CHSY3: variants seen among roughly 807,000 people sequenced by gnomAD.
CHSY3 encodes the protein chondroitin sulfate synthase 3.
A neutral mutation model predicts 67.2 loss-of-function variants in CHSY3; 35 were observed. That is an observed-to-expected ratio of 0.52 (90% CI 0.40 to 0.69). The LOEUF (loss-of-function observed/expected upper bound fraction) is 0.69, where lower values mean the gene tolerates loss of function less well. Ranked by LOEUF, CHSY3 falls within the 30% of genes least tolerant of loss-of-function variation. CHSY3 has a pLI of 0.00. For missense variants in CHSY3, 1,069 were observed against 1,138.5 expected (o/e 0.94, Z 0.88); for synonymous variants, 474 against 434.7 (o/e 1.09, Z -1.12).
At chr5:130,042,554 A>G (rs1048047295) in intron 2 of CHSY3, among the ~76,000 whole-genome samples, 1 of 152,088 alleles carries the variant, frequency 6.6e-6, no homozygotes, top group Non-Finnish European at 1.5e-5. Context: ...CTATTTCAGT[A>G]TTTGTTTTTT....
At chr5:130,144,059 A>T (rs1174211862) in intron 2 of CHSY3, among the ~76,000 whole-genome samples, 1 of 150,940 alleles carries the variant, frequency 6.6e-6, no homozygotes, top group African/African-American at 2.4e-5. Flanking sequence ...GATTGTAATG[A>T]CTTGTGGGTG....
chr5:130,120,486 GAAAAAAAA>G (rs34727574), intron 2 of CHSY3, among the ~76,000 whole-genome samples: 1,332 of 95,850 alleles, frequency 0.014, 26 homozygotes, highest in African/African-American at 0.045. Context: ...ATTTCTGAAA[GAAAAAAAA>G]AAAAAAAAAA....
At chr5:129,959,131 T>G (rs1475011731) in intron 2 of CHSY3, among the ~76,000 whole-genome samples, 1 of 152,118 alleles carries the variant, frequency 6.6e-6, no homozygotes, top group Non-Finnish European at 1.5e-5. Context: ...ATAATTAACG[T>G]ATTTCGCATT....
intron 2 of CHSY3, among the ~76,000 whole-genome samples, chr5:130,036,167 T>A (rs1361907152): frequency 5.3e-5 from 8 of 152,182 alleles, no homozygotes; most frequent in South Asian, 2.1e-4. Context: ...TACACTGTCT[T>A]TCCTGGACAT....
intron 2 of CHSY3, among the ~76,000 whole-genome samples, chr5:129,991,909 T>C (rs544810034): frequency 6.6e-6 from 1 of 152,324 alleles, no homozygotes; most frequent in East Asian, 1.9e-4. Context: ...GAGAACTCTC[T>C]AGGTTGCTCC....
chr5:129,920,063 A>G (rs767638146), intron 2 of CHSY3, among the ~76,000 whole-genome samples: 2 of 152,110 alleles, frequency 1.3e-5, no homozygotes, highest in African/African-American at 2.4e-5. Flanking sequence ...AACTTTTTCT[A>G]TCTAATTGAG....
intron 2 of CHSY3, among the ~76,000 whole-genome samples, chr5:129,961,780 G>A (rs1762331414): frequency 6.6e-6 from 1 of 151,764 alleles, no homozygotes; most frequent in Non-Finnish European, 1.5e-5. Flanking sequence ...ACATAAACTT[G>A]TGCAACAGCT....
In CHSY3 at chr5:130,012,297, C is replaced by T. The variant is rs543389848; in HGVS notation, c.1086+103937C>T. ...ATAACCCACAAATAAAGCTGCACAC[C>T]TACAAGCATCAGATCTTATACAAAG... On this transcript the variant is annotated intron_variant, in intron 2 of 2. Transcript: ENST00000305031. 2.6e-4 allele frequency among the ~76,000 whole-genome samples: 39 copies of T among 152,236 alleles called. No individual in the cohort carries two copies. In the South Asian group the frequency reaches 5.0e-3, roughly 19 times the overall value.
In CHSY3 at chr5:130,086,897, T is replaced by A. The variant is rs1171092102; in HGVS notation, c.1087-97332T>A. Among the ~76,000 whole-genome samples, 4 of 152,098 alleles carry A rather than the reference T, an allele frequency of 2.6e-5. No individual in the cohort carries two copies. The East Asian group carries it at 5.8e-4, about 22-fold the overall frequency. ...CCAGCATCATCCTGATACCAAAGCC[T>A]GGCAGAGACACAACAAAAAAAGAGA... On this transcript the variant is annotated intron_variant, in intron 2 of 2. Coordinates refer to ENST00000305031, the MANE Select transcript of CHSY3 (RefSeq NM_175856.5).
chr5:130,106,519 C>T (rs1229275755), intron 2 of CHSY3, among the ~76,000 whole-genome samples: 1 of 151,512 alleles, frequency 6.6e-6, no homozygotes, highest in Non-Finnish European at 1.5e-5. Context: ...TGTAGGGATA[C>T]AGACAATAAA....
intron 2 of CHSY3, among the ~76,000 whole-genome samples, chr5:129,999,397 A>G (rs1435572475): frequency 6.6e-6 from 1 of 152,124 alleles, no homozygotes; most frequent in African/African-American, 2.4e-5. Flanking sequence ...AAAACTTTCC[A>G]TCATATACTA....
chr5:130,078,820 A>G (rs1181297771), intron 2 of CHSY3, among the ~76,000 whole-genome samples: 1 of 152,196 alleles, frequency 6.6e-6, no homozygotes, highest in Non-Finnish European at 1.5e-5. Flanking sequence ...GAAGACAGGC[A>G]GCTGTTGAGA....
At chr5:130,182,632 A>G (rs1770282230) in intron 2 of CHSY3, among the ~76,000 whole-genome samples, 2 of 152,102 alleles carry the variant, frequency 1.3e-5, no homozygotes, top group African/African-American at 4.8e-5. Flanking sequence ...TCTAAAATAA[A>G]CCTTTATGTT....
intron 2 of CHSY3, among the ~76,000 whole-genome samples, chr5:129,945,794 GTTTCT>G (rs2149597591): frequency 6.6e-6 from 1 of 152,158 alleles, no homozygotes; most frequent in African/African-American, 2.4e-5. Context: ...TTTTGATTCT[GTTTCT>G]TTTCTTATGA....
At chr5:130,095,519 G>A (rs2149695305) in intron 2 of CHSY3, among the ~76,000 whole-genome samples, 1 of 152,296 alleles carries the variant, frequency 6.6e-6, no homozygotes, top group South Asian at 2.1e-4. Flanking sequence ...AATATCCATG[G>A]CCCCATGCCA....
At chr5:130,024,152 A>AAAAAAAAAAAAAAG (rs386404969) in intron 2 of CHSY3, among the ~76,000 whole-genome samples, 34 of 150,822 alleles carry the variant, frequency 2.3e-4, no homozygotes, top group Middle Eastern at 6.9e-3. Context: ...AAAAAAAAAA[A>AAAAAAAAAAAAAAG]AAGCCTGTCT....
At chr5:130,071,039 C>A (rs946709610) in intron 2 of CHSY3, among the ~76,000 whole-genome samples, 5 of 151,728 alleles carry the variant, frequency 3.3e-5, no homozygotes, top group Non-Finnish European at 7.4e-5. Context: ...GATAGATAGA[C>A]AGAGAGACGG....
intron 2 of CHSY3, among the ~76,000 whole-genome samples, chr5:129,939,031 T>C (rs775425213): frequency 1.2e-4 from 18 of 152,200 alleles, no homozygotes; most frequent in Non-Finnish European, 1.8e-4. Context: ...AGAGGTTTTA[T>C]TGGCTCACAG....
chr5:130,027,771 T>C (rs1764590346), intron 2 of CHSY3, among the ~76,000 whole-genome samples: 1 of 152,118 alleles, frequency 6.6e-6, no homozygotes, highest in Non-Finnish European at 1.5e-5. Context: ...GGTTTCCAGC[T>C]TCATCCATGT....
Sources: gnomAD v4.1 joint callset for allele counts (sites outside exome capture counted in the v4.1 genomes callset) on GRCh38, gnomAD v4.1.1 for gene constraint, MANE v1.5 for transcripts, NCBI Gene and HGNC (gene_info 2026-07-23, HGNC 2026-07-21) for gene names.